The following TMEM131L variants were observed in gnomAD, a reference collection of about 807,000 sequenced individuals.
The protein encoded by TMEM131L is transmembrane protein 131-like.
A neutral mutation model predicts 192.2 loss-of-function variants in TMEM131L; 54 were observed. The ratio of observed to expected loss-of-function variants is 0.28; its 90% confidence interval spans 0.23 to 0.35. The LOEUF is 0.35. TMEM131L is among the 10% of genes least tolerant of loss of function. The pLI, the probability that TMEM131L is intolerant of heterozygous loss-of-function variation, is 1.00. For synonymous variants in TMEM131L, 701 were observed against 704.9 expected (o/e 0.99, Z 0.09); for missense variants, 1,888 against 1,972.9 (o/e 0.96, Z 0.82).
chr4:153,527,516 A>G (rs1369733538), intron 3 of TMEM131L, among the ~76,000 whole-genome samples: 1 of 151,968 alleles, frequency 6.6e-6, no homozygotes, highest in African/African-American at 2.4e-5. Context: ...GGCTCAAGTG[A>G]TCCGCTTGCC....
At chr4:153,578,609 C>T (rs1055455792) in intron 7 of TMEM131L, among the ~76,000 whole-genome samples, 4 of 151,768 alleles carry the variant, frequency 2.6e-5, no homozygotes, top group South Asian at 2.1e-4. Flanking sequence ...CAAGCTCTGC[C>T]TCTCAGGTTC....
chr4:153,567,528 ATTT>A (rs565526931), intron 7 of TMEM131L, among the ~76,000 whole-genome samples: 2,612 of 144,934 alleles, frequency 0.018, 93 homozygotes, highest in African/African-American at 0.063. Flanking sequence ...AGAAAGCTAG[ATTT>A]TTTTTTTCCC....
chr4:153,593,551 A>G (rs549124093), intron 18 of TMEM131L, among the ~76,000 whole-genome samples: 1 of 152,268 alleles, frequency 6.6e-6, no homozygotes, highest in South Asian at 2.1e-4. Flanking sequence ...TGTGATGCCA[A>G]AGTCATTCAT....
intron 25 of TMEM131L, among the ~76,000 whole-genome samples, chr4:153,607,857 C>T (rs562721879): frequency 6.6e-6 from 1 of 152,256 alleles, no homozygotes; most frequent in African/African-American, 2.4e-5. Context: ...TTTGGGAGGC[C>T]GTGATGGGCA....
intron 5 of TMEM131L, among the ~76,000 whole-genome samples, chr4:153,556,599 G>A (rs777620624): frequency 2.0e-5 from 3 of 152,122 alleles, no homozygotes; most frequent in Non-Finnish European, 4.4e-5. Context: ...CGTTGTTCCT[G>A]ATTTTTATTA....
At chr4:153,498,636 T>A (rs1733365993) in intron 3 of TMEM131L, among the ~76,000 whole-genome samples, 1 of 152,088 alleles carries the variant, frequency 6.6e-6, no homozygotes, top group South Asian at 2.1e-4. Context: ...CCCTTAGGGT[T>A]TATAGAGAGT....
chr4:153,581,530 T>C lies in TMEM131L; in HGVS notation c.862T>C (p.Tyr288His). The C allele has an allele frequency of 6.3e-7, 1 of 1,583,206 alleles. No individual in the cohort carries two copies. Among genetic ancestry groups the C allele is most frequent in the Non-Finnish European group, 8.6e-7 (1 of 1,164,482 alleles). ...TTTGTTAGATCATCTCTCTATTGTT[T>C]ACGTAGCTACAGATGAATCTGAGAC... ...QHLLDHLSIV[Y>H]VATDESETSD... The change falls in exon 9 of 35, where the codon TAC becomes CAC. Residue 288 changes from tyrosine (Y) to histidine (H), a missense_variant. Coordinates refer to ENST00000409959, the MANE Select transcript of TMEM131L (RefSeq NM_001131007.2).
intron 3 of TMEM131L, among the ~76,000 whole-genome samples, chr4:153,484,748 G>A (rs1213801543): frequency 1.5e-4 from 22 of 147,774 alleles, no homozygotes; most frequent in African/African-American, 2.7e-4. Context: ...GATTACAGGC[G>A]TGAGCCACCG....
intron 33 of TMEM131L, 63 bp downstream of exon 33, chr4:153,634,343 T>G (rs925835101): frequency 3.1e-6 from 4 of 1,307,038 alleles, no homozygotes; most frequent in Admixed American, 1.7e-5. Context: ...AAGCAGGAAG[T>G]GTGTGGACTA....
chr4:153,602,780 G>T, intron 23 of TMEM131L, 53 bp downstream of exon 23: 2 of 1,547,020 alleles, frequency 1.3e-6, no homozygotes, highest in Non-Finnish European at 1.8e-6. Context: ...AGTCATCCAG[G>T]CAAGTTGTGT....
At chr4:153,575,232 GC>G (rs1355264337) in intron 7 of TMEM131L, among the ~76,000 whole-genome samples, 12 of 152,082 alleles carry the variant, frequency 7.9e-5, no homozygotes, top group Admixed American at 7.9e-4. Flanking sequence ...CCTTCTTGTG[GC>G]CCAGGGCACC....
intron 31 of TMEM131L, among the ~76,000 whole-genome samples, chr4:153,631,889 T>G (rs1734236308): frequency 6.6e-6 from 1 of 152,224 alleles, no homozygotes; most frequent in South Asian, 2.1e-4. Context: ...ACACCTTGCT[T>G]CAGGGCTTTT....
At chr4:153,543,913 C>T (rs1228881942) in intron 3 of TMEM131L, among the ~76,000 whole-genome samples, 2 of 152,220 alleles carry the variant, frequency 1.3e-5, no homozygotes, top group African/African-American at 2.4e-5. Context: ...CATAACATGT[C>T]ATTCCTTGAG....
At chr4:153,521,727 C>A (rs561172302) in intron 3 of TMEM131L, among the ~76,000 whole-genome samples, 7 of 152,238 alleles carry the variant, frequency 4.6e-5, no homozygotes, top group African/African-American at 1.7e-4. Flanking sequence ...CTTTTACTTC[C>A]GTCTCTGTGG....
chr4:153,621,483 A>G (rs1413491816), intron 27 of TMEM131L, among the ~76,000 whole-genome samples, 200 bp from the exon 28 acceptor site: 1 of 152,170 alleles, frequency 6.6e-6, no homozygotes, highest in Non-Finnish European at 1.5e-5. Context: ...TCTTTGAGAC[A>G]CTTAATTTCC....
rs1010004654 is a variant in TMEM131L at position 153,466,360 on chromosome 4, G to C, written c.-38G>C. 9.4e-5 allele frequency: 115 copies of C among 1,222,066 alleles called. No individual in the cohort carries two copies. The African/African-American group carries it at 1.8e-3, about 19-fold the overall frequency. The allele number at this position is 1,222,066 out of a possible 1,614,324, so 75.7% of individuals were successfully genotyped here. A position where few individuals can be genotyped will look rare whatever the true frequency, so the allele number is the denominator to read the frequency against. On this transcript the variant is annotated 5_prime_UTR_variant, in exon 1 of 35. Transcript: ENST00000409959. ...GCTGGGGCGCCAGCGAGCTAGCGGC[G>C]AGCGCGGCGAGCAACGGAGAGGAGC...
At chr4:153,473,932 T>C (rs1731341860) in intron 3 of TMEM131L, 44 bp downstream of exon 3, 1 of 1,419,670 alleles carries the variant, frequency 7.0e-7, no homozygotes, top group Non-Finnish European at 9.7e-7. Flanking sequence ...TGAATGTCCC[T>C]GCCCACTTTG....
Position 153,623,041 on chromosome 4 carries a change from G to A in TMEM131L, c.4003G>A (p.Asp1335Asn). Residue 1335 changes from aspartate to asparagine, a missense_variant, in exon 29 of 35, where the codon GAT (aspartate) becomes AAT (asparagine). Transcript: ENST00000409959. ...GAGCAGCACCAGCAGCTCCGACGGG[G>A]ATAAGAAGCCCATGGTGGACGCCCA... Reference protein sequence around the residue: ...SWSSTSSSDGDKKPMVDAQHF... With the variant: ...SWSSTSSSDGNKKPMVDAQHF... 3.1e-6 allele frequency: 5 copies of A among 1,613,386 alleles called. No homozygotes were observed. The highest frequency in any genetic ancestry group is 2.2e-5 in the South Asian group (2 of 91,004).
chr4:153,468,138 G>C (rs1227647378), intron 2 of TMEM131L, among the ~76,000 whole-genome samples: 3 of 152,214 alleles, frequency 2.0e-5, no homozygotes, highest in Non-Finnish European at 4.4e-5. Context: ...TCTTGCGGCT[G>C]TTTAGAAAAA....
Sources: gnomAD v4.1 joint callset for allele counts (sites outside exome capture counted in the v4.1 genomes callset) on GRCh38, gnomAD v4.1.1 for gene constraint, MANE v1.5 for transcripts, NCBI Gene and HGNC (gene_info 2026-07-23, HGNC 2026-07-21) for gene names.